The following PTPRT variants were observed in gnomAD, a reference collection of about 807,000 sequenced individuals.
PTPRT encodes protein tyrosine phosphatase receptor type T, also known as receptor-type tyrosine-protein phosphatase T.
In PTPRT, 56 loss-of-function variants were observed where a neutral mutation model predicts 176.8. The ratio of observed to expected loss-of-function variants is 0.32; its 90% CI spans 0.26 to 0.40. The LOEUF (loss-of-function observed/expected upper bound fraction) is 0.40, where lower values mean the gene tolerates loss of function less well. Among genes scored for constraint, PTPRT ranks in the 10% least tolerant of loss-of-function variants. The pLI is 1.00. For synonymous variants in PTPRT, 783 were observed against 739.0 expected, an observed-to-expected ratio of 1.06 and a Z score of -0.96; for missense variants, 1,540 against 1,908.2, an observed-to-expected ratio of 0.81 and a Z score of 3.60.
At chr20:42,714,095 C>T (rs1283859879) in intron 6 of PTPRT, among the ~76,000 whole-genome samples, 1 of 152,172 alleles carries the variant, frequency 6.6e-6, no homozygotes, top group African/African-American at 2.4e-5. Context: ...TCTCATTTCC[C>T]ATGCAGCTGT....
At chr20:42,817,947 G>T (rs971679151) in intron 2 of PTPRT, among the ~76,000 whole-genome samples, 4 of 152,212 alleles carry the variant, frequency 2.6e-5, no homozygotes, top group Non-Finnish European at 5.9e-5. Flanking sequence ...CTTCCTGGTA[G>T]CTCTGAGGAA....
intron 9 of PTPRT, among the ~76,000 whole-genome samples, chr20:42,436,236 T>C (rs1014866352): frequency 1.3e-5 from 2 of 152,134 alleles, no homozygotes; most frequent in African/African-American, 4.8e-5. Context: ...ATAAACAAAG[T>C]GATAAAATTG....
intron 27 of PTPRT, among the ~76,000 whole-genome samples, chr20:42,093,889 T>G (rs1387885356): frequency 6.6e-6 from 1 of 152,250 alleles, no homozygotes; most frequent in Non-Finnish European, 1.5e-5. Flanking sequence ...GGTGATGATA[T>G]TTATATCAAT....
chr20:42,855,542 A>G (rs1388370718), intron 2 of PTPRT, among the ~76,000 whole-genome samples: 1 of 141,604 alleles, frequency 7.1e-6, no homozygotes, highest in South Asian at 2.2e-4. Context: ...AGGGATTCTC[A>G]TGCCTCAGCC....
chr20:42,401,589 G>A (rs780121397), intron 9 of PTPRT, among the ~76,000 whole-genome samples: 3 of 152,106 alleles, frequency 2.0e-5, no homozygotes, highest in South Asian at 2.1e-4. Flanking sequence ...ACAGAGAGCC[G>A]GAGGTGGATT....
intron 1 of PTPRT, among the ~76,000 whole-genome samples, chr20:42,971,846 T>C (rs1231448368): frequency 1.3e-5 from 2 of 152,050 alleles, no homozygotes; most frequent in African/African-American, 4.8e-5. Context: ...AGAACAAATG[T>C]TAATTGAGCA....
chr20:42,277,292 T>A (rs150537184), intron 13 of PTPRT, among the ~76,000 whole-genome samples: 79 of 152,300 alleles, frequency 5.2e-4, no homozygotes, highest in African/African-American at 1.8e-3. Context: ...GGTTTCTGGG[T>A]TTATTTTGTC....
intron 8 of PTPRT, among the ~76,000 whole-genome samples, chr20:42,457,993 A>C (rs376067828): frequency 4.6e-5 from 7 of 151,780 alleles, no homozygotes; most frequent in African/African-American, 1.7e-4. Context: ...TCCAACGCCC[A>C]CTCCTGTTTT....
At chr20:42,491,596 G>A (rs754569827) in intron 7 of PTPRT, among the ~76,000 whole-genome samples, 10 of 152,068 alleles carry the variant, frequency 6.6e-5, no homozygotes, top group South Asian at 2.1e-4. Flanking sequence ...TCTCCCGTCC[G>A]TCTGCCATGT....
chr20:42,461,346 A>T (rs2071016230), intron 8 of PTPRT, among the ~76,000 whole-genome samples: 2 of 152,138 alleles, frequency 1.3e-5, no homozygotes, highest in African/African-American at 4.8e-5. Context: ...ATAAATAAAT[A>T]AAATAAAATA....
chr20:42,364,735 C>T (rs2058491174), intron 9 of PTPRT, among the ~76,000 whole-genome samples: 1 of 152,108 alleles, frequency 6.6e-6, no homozygotes, highest in African/African-American at 2.4e-5. Flanking sequence ...TGCAGTGACC[C>T]CAGGCTCATA....
chr20:43,052,976 C>T (rs1409912205), intron 1 of PTPRT, among the ~76,000 whole-genome samples: 1 of 152,070 alleles, frequency 6.6e-6, no homozygotes, highest in Non-Finnish European at 1.5e-5. Flanking sequence ...AACACTGTAC[C>T]TGAAACGTTC....
chr20:43,065,886 G>C (rs1027065873), intron 1 of PTPRT, among the ~76,000 whole-genome samples: 1 of 152,156 alleles, frequency 6.6e-6, no homozygotes, highest in African/African-American at 2.4e-5. Flanking sequence ...GGAAAAAAAG[G>C]TGTCCATAGA....
the PTPRT span, among the ~76,000 whole-genome samples, chr20:42,058,575 G>T: frequency 1.3e-5 from 2 of 152,156 alleles, no homozygotes; most frequent in African/African-American, 4.8e-5. Context: ...CTCAGCTGAG[G>T]AGAGTCTATG....
chr20:42,780,991 C>G (rs1430700003), intron 3 of PTPRT, among the ~76,000 whole-genome samples: 4 of 152,114 alleles, frequency 2.6e-5, no homozygotes, highest in Non-Finnish European at 5.9e-5. Context: ...CAATGGCCTT[C>G]TTCAATCCAC....
chr20:42,071,890 C>T (rs903241915), downstream of PTPRT, among the ~76,000 whole-genome samples: 3 of 151,866 alleles, frequency 2.0e-5, no homozygotes, highest in Admixed American at 1.3e-4. Flanking sequence ...AACTCCTGGG[C>T]CTAAGTGATC....
chr20:42,090,007 T>C (rs1366612215), intron 27 of PTPRT, among the ~76,000 whole-genome samples: 1 of 152,120 alleles, frequency 6.6e-6, no homozygotes, highest in Non-Finnish European at 1.5e-5. Flanking sequence ...GGTGCGAAAA[T>C]GCATTGGGGT....
chr20:42,738,290 T>A (rs1255029875), intron 6 of PTPRT, among the ~76,000 whole-genome samples: 1 of 152,082 alleles, frequency 6.6e-6, no homozygotes, highest in Non-Finnish European at 1.5e-5. Flanking sequence ...GGTGAGTGGA[T>A]CACTTAAGGG....
intron 5 of PTPRT, 110 bp downstream of exon 5, chr20:42,771,325 T>G: frequency 2.1e-6 from 2 of 946,090 alleles, no homozygotes; most frequent in East Asian, 4.8e-5. Context: ...TGTCCCCCTC[T>G]GCATGTCTTT....
Sources: gnomAD v4.1 joint callset for allele counts (sites outside exome capture counted in the v4.1 genomes callset) on GRCh38, gnomAD v4.1.1 for gene constraint, MANE v1.5 for transcripts, NCBI Gene and HGNC (gene_info 2026-07-23, HGNC 2026-07-21) for gene names.